The following SRP72 variants were observed in gnomAD, a reference collection of about 807,000 sequenced individuals.
SRP72 encodes signal recognition particle 72, also known as signal recognition particle subunit SRP72.
In SRP72, 49 loss-of-function variants were observed where a neutral mutation model predicts 96.3. That is an observed-to-expected ratio of 0.51 (90% CI 0.40 to 0.65). SRP72 has a LOEUF of 0.65. SRP72 is among the 30% of genes least tolerant of loss of function. The pLI, the probability that SRP72 is intolerant of heterozygous loss-of-function variation, is 0.00. For synonymous variants in SRP72, 267 were observed against 275.2 expected (o/e 0.97, Z 0.30); for missense variants, 736 against 793.3 (o/e 0.93, Z 0.87).
chr4:56,471,684 A>G (rs376040963), intron 2 of SRP72, 36 bp from the exon 3 acceptor site: 5 of 1,608,276 alleles, frequency 3.1e-6, no homozygotes, highest in Non-Finnish European at 4.2e-6. Flanking sequence ...GCATTGTTAG[A>G]TAATAATCAG....
intron 9 of SRP72, among the ~76,000 whole-genome samples, chr4:56,484,452 GA>G (rs1720629334): frequency 1.3e-5 from 2 of 152,060 alleles, no homozygotes; most frequent in African/African-American, 2.4e-5. Context: ...TGATGTGTTT[GA>G]TTTTTTTAAA....
At chr4:56,477,061 T>G (rs1374550397) in intron 6 of SRP72, 2 of 181,090 alleles carry the variant, frequency 1.1e-5, no homozygotes, top group African/African-American at 4.7e-5. Flanking sequence ...ACACTTTTGG[T>G]TTTTCTTTTT....
At chr4:56,496,000 G>A (rs1215607778) in intron 17 of SRP72, among the ~76,000 whole-genome samples, 1 of 152,142 alleles carries the variant, frequency 6.6e-6, no homozygotes, top group African/African-American at 2.4e-5. Context: ...CTCCAGACTT[G>A]GCAAGTATTT....
intron 10 of SRP72, among the ~76,000 whole-genome samples, chr4:56,485,156 C>T (rs1720656285): frequency 6.6e-6 from 1 of 152,082 alleles, no homozygotes; most frequent in Admixed American, 6.5e-5. Flanking sequence ...ATGTATAATT[C>T]CAGAACATAC....
chr4:56,471,726 T>A lies in SRP72; in HGVS notation c.237T>A (p.Ser79=). 1 of 1,612,760 alleles carries A rather than the reference T, an allele frequency of 6.2e-7. No homozygotes were observed. ...TTTTTTTTTCCTTCTTCAGTAACTC[T>A]CTCTCCTTTGAAAAGGCATATTGCG... is the stretch of plus-strand genomic sequence containing the variant. ...NTHTKVLANN[S]LSFEKAYCEY... is the part of the protein sequence containing the mutation. Residue 79 remains serine, a synonymous_variant, in exon 3 of 19, where the codon TCT becomes TCA. Transcript: ENST00000642900.
intron 10 of SRP72, 40 bp downstream of exon 10, chr4:56,484,904 C>G (rs1200418143): frequency 1.9e-6 from 3 of 1,592,736 alleles, no homozygotes; most frequent in Non-Finnish European, 2.6e-6. Context: ...ACATTTGCAG[C>G]TTTGTTTCAT....
At chr4:56,470,667 A>G (rs1719937118) in intron 2 of SRP72, among the ~76,000 whole-genome samples, 1 of 152,214 alleles carries the variant, frequency 6.6e-6, no homozygotes, top group Non-Finnish European at 1.5e-5. Context: ...TTAGAGATTA[A>G]AAATTAATTG....
Position 56,489,411 on chromosome 4 carries a change from T to A in SRP72, c.1248T>A (p.Tyr416Ter). 1 of 1,599,784 alleles carries A rather than the reference T, an allele frequency of 6.3e-7. No homozygotes were observed. Among genetic ancestry groups the A allele is most frequent in the Non-Finnish European group, 8.5e-7 (1 of 1,170,212 alleles). Residue 416 changes from tyrosine (Y) to a stop codon, truncating the protein, a stop_gained, in exon 13 of 19, where the codon TAT becomes TAA. Transcript: ENST00000642900. LOFTEE classifies it high-confidence loss of function. The stretch of plus-strand genomic sequence containing the variant: ...AGGTATCTGCATTAGTTACCATGTA[T>A]AGCCATGAAGAAGATATTGATAGTG... ...PGMVSALVTM[Y>*]SHEEDIDSAI... is the part of the protein sequence containing the mutation.
At chr4:56,495,315 T>C in intron 16 of SRP72, 42 bp from the exon 17 acceptor site, 1 of 1,380,966 alleles carries the variant, frequency 7.2e-7, no homozygotes, top group Non-Finnish European at 1.0e-6. Flanking sequence ...TCTATAAATA[T>C]TTTATCACAA....
chr4:56,497,955 C>T (rs1721134825), intron 17 of SRP72, among the ~76,000 whole-genome samples: 1 of 152,122 alleles, frequency 6.6e-6, no homozygotes, highest in African/African-American at 2.4e-5. Context: ...TTCCTTTCTC[C>T]TAGCCTACCT....
intron 8 of SRP72, among the ~76,000 whole-genome samples, chr4:56,479,380 C>T (rs1449325866): frequency 6.6e-6 from 1 of 152,020 alleles, no homozygotes; most frequent in Non-Finnish European, 1.5e-5. Context: ...GGGGTTTCAC[C>T]ATGTTAGCCA....
At chr4:56,496,936 T>C (rs1424232781) in intron 17 of SRP72, among the ~76,000 whole-genome samples, 2 of 151,932 alleles carry the variant, frequency 1.3e-5, no homozygotes, top group Non-Finnish European at 2.9e-5. Context: ...TTGCAGTGAG[T>C]TGAGATTGCG....
chr4:56,475,244 G>A (rs1241845043), intron 5 of SRP72, among the ~76,000 whole-genome samples: 1 of 152,124 alleles, frequency 6.6e-6, no homozygotes, highest in Non-Finnish European at 1.5e-5. Flanking sequence ...CTCATGAGAA[G>A]AAAAATCTGT....
chr4:56,470,872 G>T (rs1214517163), intron 2 of SRP72, among the ~76,000 whole-genome samples: 1 of 147,706 alleles, frequency 6.8e-6, no homozygotes, highest in Admixed American at 6.8e-5. Context: ...CTGTCGCCCA[G>T]GCTGGTGGAA....
At position 56,474,146 on chromosome 4, in the gene SRP72, A is replaced by G; in HGVS notation, c.447A>G (p.Thr149=). The part of the protein sequence containing the change: ...SQDDYDEERK[T]NLSAVVAAQS... ...ATGATTATGATGAGGAGAGGAAAAC[A>G]AACCTTTCAGCAGTTGTTGCAGCTC... Residue 149 remains threonine (T), a synonymous_variant, in exon 4 of 19, where the codon ACA becomes ACG. Transcript: ENST00000642900. 1 of 1,614,256 alleles carries G rather than the reference A, an allele frequency of 6.2e-7. No homozygotes were observed. Among genetic ancestry groups the G allele is most frequent in the Non-Finnish European group, 8.5e-7 (1 of 1,180,054 alleles).
At chr4:56,477,535 C>T (rs571116014) in intron 6 of SRP72, among the ~76,000 whole-genome samples, 1 of 152,150 alleles carries the variant, frequency 6.6e-6, no homozygotes, top group East Asian at 1.9e-4. Flanking sequence ...TCAAGCGACC[C>T]TCCCACCTCA....
chr4:56,481,617 T>G (rs1176622989), intron 8 of SRP72, among the ~76,000 whole-genome samples: 1 of 152,028 alleles, frequency 6.6e-6, no homozygotes, highest in Admixed American at 6.6e-5. Flanking sequence ...GGTTCAAAAG[T>G]GGTACAGATA....
rs1342342263 is a variant in SRP72, at chr4:56,491,477, G to C, written c.1549G>C (p.Asp517His). The C allele has an allele frequency of 6.2e-7, 1 of 1,613,988 alleles. No individual in the cohort carries two copies. The change falls in exon 16 of 19, where the codon GAT becomes CAT. Residue 517 changes from aspartate (D) to histidine (H), a missense_variant. Physicochemically the swap from Asp to His is moderately conservative, Grantham distance 81. This residue lies in a region of SRP72 where 388 missense variants were observed against 431.8 expected (regional missense o/e 0.90). Coordinates refer to ENST00000642900, the MANE Select transcript of SRP72 (RefSeq NM_006947.4). ...PSSDSMSLKV[D>H]VEALENSAGA... ...GTCAGATAGTATGTCTCTAAAAGTAGATGTTGAGGCTCTTGAAAATTCTGC... is the reference window on the plus strand; with the variant it reads ...GTCAGATAGTATGTCTCTAAAAGTACATGTTGAGGCTCTTGAAAATTCTGC...
At chr4:56,471,594 T>TC in intron 2 of SRP72, 126 bp from the exon 3 acceptor site, 2 of 1,108,710 alleles carry the variant, frequency 1.8e-6, no homozygotes, top group Non-Finnish European at 2.5e-6. Flanking sequence ...TAGACAAGTC[T>TC]CTAACCTTTG....
Sources: gnomAD v4.1 joint callset for allele counts (sites outside exome capture counted in the v4.1 genomes callset) on GRCh38, gnomAD v4.1.1 for gene constraint, gnomAD v4.1.1 regional missense constraint, MANE v1.5 for transcripts, NCBI Gene and HGNC (gene_info 2026-07-23, HGNC 2026-07-21) for gene names.